GLP2R: variants seen among roughly 807,000 people sequenced by gnomAD.
The protein encoded by GLP2R is glucagon-like peptide 2 receptor.
In GLP2R, 59 loss-of-function variants were observed where a neutral mutation model predicts 68.2. The observed-to-expected ratio is 0.87, with a 90% CI of 0.70 to 1.07. The LOEUF (loss-of-function observed/expected upper bound fraction) is 1.07. GLP2R is among the 50% of genes least tolerant of loss of function. The probability of loss-of-function intolerance (pLI) is 0.00; values close to 1 mark genes in which losing one functional copy is unlikely to be tolerated. For synonymous variants in GLP2R, 270 were observed against 265.4 expected (o/e 1.02, Z -0.17); for missense variants, 548 against 677.4 (o/e 0.81, Z 2.12).
chr17:9,859,583 G>A (rs1026790450), intron 6 of GLP2R, among the ~76,000 whole-genome samples: 2 of 151,438 alleles, frequency 1.3e-5, no homozygotes, highest in Admixed American at 1.3e-4. Flanking sequence ...ACGAGGTCAG[G>A]AGATCGAGAC....
intron 3 of GLP2R, among the ~76,000 whole-genome samples, chr17:9,839,829 C>T (rs2066768600): frequency 6.6e-6 from 1 of 152,148 alleles, no homozygotes; most frequent in African/African-American, 2.4e-5. Flanking sequence ...TTGGCTCGCA[C>T]ACCTGCCCAG....
In GLP2R at chr17:9,881,474, G is replaced by A. The variant is rs976251338; in HGVS notation, c.1284+958G>A. On this transcript the variant is annotated intron_variant, in intron 11 of 12. Coordinates refer to ENST00000262441, the MANE Select transcript of GLP2R (RefSeq NM_004246.3). ...CGGCTCACTGCAAGCTCCGCCTCCC[G>A]GGTTCACGCCATTCTCCTGCCTCAG... is the stretch of plus-strand genomic sequence containing the variant. 2.1e-4 allele frequency among the ~76,000 whole-genome samples: 29 copies of A among 138,968 alleles called. 1 individual carries two copies. Among genetic ancestry groups the A allele is most frequent in the Admixed American group, 1.8e-3 (24 of 13,654 alleles). 91.2% of individuals were successfully genotyped at this position (138,968 alleles called of 152,430 possible).
intron 10 of GLP2R, among the ~76,000 whole-genome samples, chr17:9,879,536 T>C (rs1597403038): frequency 6.6e-6 from 1 of 151,656 alleles, no homozygotes; most frequent in East Asian, 1.9e-4. Context: ...CCTCCAGAGG[T>C]GTGGATTCAG....
At chr17:9,882,991 CAA>C (rs3073990) in intron 11 of GLP2R, among the ~76,000 whole-genome samples, 152 of 126,074 alleles carry the variant, frequency 1.2e-3, no homozygotes, top group East Asian at 2.6e-3. Flanking sequence ...ATACTCAGGA[CAA>C]AAAAAAAAAA....
intron 3 of GLP2R, among the ~76,000 whole-genome samples, chr17:9,838,358 T>G (rs1206678714): frequency 6.6e-6 from 1 of 152,206 alleles, no homozygotes; most frequent in Non-Finnish European, 1.5e-5. Flanking sequence ...ACTCACAGGG[T>G]GCGTCGCACA....
At chr17:9,851,994 C>A (rs1328994331) in intron 4 of GLP2R, among the ~76,000 whole-genome samples, 5 of 149,532 alleles carry the variant, frequency 3.3e-5, no homozygotes. Context: ...ATACAATATG[C>A]CAATAATTTT....
intron 9 of GLP2R, among the ~76,000 whole-genome samples, chr17:9,864,679 C>T (rs1049192076): frequency 1.3e-4 from 19 of 151,994 alleles, no homozygotes; most frequent in Non-Finnish European, 2.2e-4. Context: ...TCCACCACCA[C>T]ACCCGGCTAA....
intron 3 of GLP2R, 63 bp from the exon 4 acceptor site, chr17:9,842,432 G>T: frequency 6.2e-7 from 1 of 1,608,706 alleles, no homozygotes; most frequent in Non-Finnish European, 8.5e-7. Context: ...ACAGCTCTGT[G>T]GCATGCTCAG....
At chr17:9,848,432 G>T (rs1205149958) in intron 4 of GLP2R, among the ~76,000 whole-genome samples, 1 of 152,040 alleles carries the variant, frequency 6.6e-6, no homozygotes, top group Non-Finnish European at 1.5e-5. Context: ...TCTGTAGGGG[G>T]GTCCAGCCAT....
chr17:9,842,475 AG>A lies in GLP2R; in HGVS notation c.383-19del, dbSNP rs2066796123. The A allele has an allele frequency of 6.2e-7, 1 of 1,613,880 alleles. No individual in the cohort carries two copies. The highest frequency in any genetic ancestry group is 8.5e-7 in the Non-Finnish European group (1 of 1,179,962). Reference sequence around the variant, plus strand: ...GGCTGTGTGTTCTGACCTTTCCTCCAGAGCTTTGTTTACTTTCAGAGAGCTC... The same window carrying A: ...GGCTGTGTGTTCTGACCTTTCCTCCAAGCTTTGTTTACTTTCAGAGAGCTC... On this transcript the variant is annotated intron_variant, in intron 3 of 12. Transcript: ENST00000262441.
intron 1 of GLP2R, among the ~76,000 whole-genome samples, chr17:9,831,706 C>CTGTA (rs1409054243): frequency 6.6e-6 from 1 of 152,166 alleles, no homozygotes; most frequent in Non-Finnish European, 1.5e-5. Flanking sequence ...AAGTGGAAGA[C>CTGTA]TGTAGGCAGG....
Position 9,889,478 on chromosome 17 carries a change from AAGAAGCTCTCGGAAGGAGATGGCGCTG to A in GLP2R, c.1443_1469del (p.Ser482_Leu490del). ...CTTCCGGTTCCTAGGAAAATGTCCC[AAGAAGCTCTCGGAAGGAGATGGCGCTG>A]AGAAGCTTCGGAAGCTGCAGCCCTC... is the stretch of plus-strand genomic sequence containing the variant. On this transcript the variant is annotated inframe_deletion, in exon 13 of 13. Transcript: ENST00000262441. The A allele has an allele frequency of 6.2e-7, 1 of 1,614,160 alleles. No individual in the cohort carries two copies. The highest frequency in any genetic ancestry group is 8.5e-7 in the Non-Finnish European group (1 of 1,179,966).
chr17:9,856,567 G>A (rs1597389373), intron 5 of GLP2R, among the ~76,000 whole-genome samples: 1 of 152,346 alleles, frequency 6.6e-6, no homozygotes, highest in South Asian at 2.1e-4. Context: ...GCATAAGGAA[G>A]AGGTGATGAG....
At chr17:9,861,099 A>C in intron 7 of GLP2R, 40 bp from the exon 8 acceptor site, 1 of 1,563,430 alleles carries the variant, frequency 6.4e-7, no homozygotes, top group Non-Finnish European at 8.8e-7. Flanking sequence ...AGGTTTGGCC[A>C]ACCAACTCCT....
At chr17:9,880,576 G>T in intron 11 of GLP2R, 60 bp downstream of exon 11, 2 of 1,199,136 alleles carry the variant, frequency 1.7e-6, no homozygotes, top group Non-Finnish European at 1.2e-6. Context: ...GCATGTGGCC[G>T]AAACAGGCTC....
intron 11 of GLP2R, among the ~76,000 whole-genome samples, chr17:9,883,732 G>A (rs2067217136): frequency 6.6e-6 from 1 of 152,158 alleles, no homozygotes. Context: ...GAAAACAATT[G>A]TCAATCAAGA....
At chr17:9,828,029 TC>T (rs2066648553) in intron 1 of GLP2R, among the ~76,000 whole-genome samples, 1 of 151,678 alleles carries the variant, frequency 6.6e-6, no homozygotes, top group Admixed American at 6.6e-5. Context: ...GAGTCCCTGT[TC>T]ATGGTCTTGG....
At position 9,887,967 on chromosome 17, in the gene GLP2R, T is replaced by C. The variant is rs563623280; in HGVS notation, c.1320T>C (p.Asn440=). 9.2e-5 allele frequency: 148 copies of C among 1,609,902 alleles called. No homozygotes were observed. The Middle Eastern group carries it at 1.3e-3, about 14-fold the overall frequency. Residue 440 remains asparagine, a synonymous_variant, in exon 12 of 13, where the codon AAT becomes AAC. Coordinates refer to ENST00000262441, the MANE Select transcript of GLP2R (RefSeq NM_004246.3). ...FLVALQYGFA[N]GEVKAELRKY... is the part of the protein sequence containing the mutation. ...TGGCCTTGCAGTATGGTTTTGCCAA[T>C]GGAGAGGTATGATTTCCACGTTGCC...
chr17:9,859,329 G>C (rs555331558), intron 6 of GLP2R, among the ~76,000 whole-genome samples: 1 of 152,062 alleles, frequency 6.6e-6, no homozygotes, highest in African/African-American at 2.4e-5. Context: ...GTTTCCATTA[G>C]GGCAGTTGCT....
Sources: allele counts gnomAD v4.1 joint callset (sites outside exome capture counted in the v4.1 genomes callset), GRCh38; gene constraint gnomAD v4.1.1; transcripts MANE v1.5; gene names NCBI Gene and HGNC (gene_info 2026-07-23, HGNC 2026-07-21).